The following SPPL3 variants were observed in gnomAD, a reference collection of about 807,000 sequenced individuals.
SPPL3 encodes signal peptide peptidase-like 3.
In SPPL3, 5 loss-of-function variants were observed where a neutral mutation model predicts 42.4. That is an observed-to-expected ratio of 0.12 (90% CI 0.06 to 0.25). The LOEUF is 0.25. Among genes scored for constraint, SPPL3 ranks in the 10% least tolerant of loss-of-function variants. The pLI is 1.00. For synonymous variants in SPPL3, 195 were observed against 181.8 expected (o/e 1.07, Z -0.58); for missense variants, 235 against 489.0 (o/e 0.48, Z 4.90).
At chr12:120,903,548 T>G in intron 1 of SPPL3, 2 of 400,248 alleles carry the variant, frequency 5.0e-6, no homozygotes, top group East Asian at 4.5e-5. Flanking sequence ...ATCCGTGGGA[T>G]TCCCACCCCC....
At chr12:120,854,130 G>A (rs1227178868) in intron 1 of SPPL3, among the ~76,000 whole-genome samples, 2 of 152,070 alleles carry the variant, frequency 1.3e-5, no homozygotes, top group Non-Finnish European at 2.9e-5. Flanking sequence ...GACTGTGCAA[G>A]TTATCAATGT....
intron 2 of SPPL3, among the ~76,000 whole-genome samples, chr12:120,805,158 G>A (rs903700659): frequency 3.3e-5 from 5 of 152,120 alleles, no homozygotes; most frequent in African/African-American, 1.2e-4. Flanking sequence ...TTACAGTGAC[G>A]GCTGAACAAT....
chr12:120,767,709 G>A (rs1868963434), intron 8 of SPPL3, 116 bp from the exon 9 acceptor site: 2 of 998,730 alleles, frequency 2.0e-6, no homozygotes, highest in Non-Finnish European at 2.9e-6. Flanking sequence ...CATGGCAGAT[G>A]GAAATCTCTT....
intron 1 of SPPL3, among the ~76,000 whole-genome samples, chr12:120,853,022 G>C (rs1461194987): frequency 6.6e-6 from 1 of 151,214 alleles, no homozygotes; most frequent in Non-Finnish European, 1.5e-5. Flanking sequence ...AGCCTCCCGA[G>C]TAGCTGGGAT....
rs1472866865 is a variant in SPPL3, at chr12:120,763,250, TAAAAAC to T, written c.*1743_*1748del. The T allele has an allele frequency of 6.6e-6, 1 of 151,724 alleles. No individual in the cohort carries two copies. Among genetic ancestry groups the T allele is most frequent in the Non-Finnish European group, 1.5e-5 (1 of 67,792 alleles). The allele number at this position is 151,724 out of a possible 1,614,324, so 9.4% of individuals were successfully genotyped here. ...CAAAGGCTACAAAGGAGTCATTTAT[TAAAAAC>T]AAAACCCCAGAAACCCCTCAGCAGG... On this transcript the variant is annotated 3_prime_UTR_variant, in exon 11 of 11. Coordinates refer to ENST00000353487, the MANE Select transcript of SPPL3 (RefSeq NM_139015.5).
chr12:120,764,655 A>C lies in SPPL3; in HGVS notation c.*344T>G. 5.1e-6 allele frequency: 2 copies of C among 392,578 alleles called. No individual in the cohort carries two copies. Among genetic ancestry groups the C allele is most frequent in the Non-Finnish European group, 9.0e-6 (2 of 222,674 alleles). 24.3% of individuals were successfully genotyped at this position (392,578 alleles called of 1,614,324 possible). ...TTTAGTGTTCAAAAGTTCTAGAAAG[A>C]CTCCTCGCTGTTTTCAGTTTTTAAA... On this transcript the variant is annotated 3_prime_UTR_variant, in exon 11 of 11. Transcript: ENST00000353487.
At position 120,791,471 on chromosome 12, in the gene SPPL3, T is replaced by C; in HGVS notation, c.188A>G (p.Asn63Ser). The C allele has an allele frequency of 6.3e-7, 1 of 1,589,338 alleles. No individual in the cohort carries two copies. Among genetic ancestry groups the C allele is most frequent in the Non-Finnish European group, 8.6e-7 (1 of 1,169,518 alleles). The change falls in exon 3 of 11, where the codon AAT (asparagine) becomes AGT (serine). Residue 63 changes from asparagine to serine, a missense_variant and splice_region_variant. By Grantham distance (46) the Asn-to-Ser change is conservative (BLOSUM62 1). Coordinates refer to ENST00000353487, the MANE Select transcript of SPPL3 (RefSeq NM_139015.5). ...TTAATTGACATAAAATATCTTACTA[T>C]TATTGGTGCTGTTGCCATTGAAAGA... The part of the protein sequence containing the change: ...SGSFNGNSTN[N>S]SIQTIDSTQA...
rs904628 is a variant in SPPL3 at position 120,904,281 on chromosome 12, G to A, written c.-414C>T. ...GCGGCGGCGGCCGGGGGACATGGCC[G>A]GCGGGCGGAGGCGGCGGCGACTGAG... On this transcript the variant is annotated 5_prime_UTR_variant, in exon 1 of 11. Coordinates refer to ENST00000353487, the MANE Select transcript of SPPL3 (RefSeq NM_139015.5). The A allele has an allele frequency of 0.43, 71,412 of 165,804 alleles. 17,210 individuals carry two copies. The highest frequency in any genetic ancestry group is 0.59 in the Middle Eastern group (220 of 374). 10.3% of individuals were successfully genotyped at this position (165,804 alleles called of 1,614,324 possible). A position where few individuals can be genotyped will look rare whatever the true frequency, so the allele number is the denominator to read the frequency against.
Position 120,880,882 on chromosome 12 carries a change from C to CA in SPPL3, c.23+22962dup, listed in dbSNP as rs58936035. On this transcript the variant is annotated intron_variant, in intron 1 of 10. Transcript: ENST00000353487. ...ACAGCTCAACAACAATCAACCCAGC[C>CA]AAAAAAAAAAATGGACAAAGGACGT... Among the ~76,000 whole-genome samples, 222 of 140,140 alleles carry CA rather than the reference C, an allele frequency of 1.6e-3. 1 individual carries two copies. In the East Asian group the frequency reaches 0.03, roughly 19 times the overall value. The allele number at this position is 140,140 out of a possible 152,430, so 91.9% of individuals were successfully genotyped here.
In SPPL3 at chr12:120,765,076, A is replaced by AAAC; in HGVS notation, c.1084-9_1084-7dup. ...CACATCCGCCGGAGGTCGCCCTGGG[A>AAAC]AACAAGGGACTTTCTAAGTTACAGA... On this transcript the variant is annotated splice_polypyrimidine_tract_variant and splice_region_variant and intron_variant, in intron 10 of 10. Transcript: ENST00000353487. 6.2e-7 allele frequency: 1 copy of AAAC among 1,613,202 alleles called. No individual in the cohort carries two copies. The highest frequency in any genetic ancestry group is 1.1e-5 in the South Asian group (1 of 90,878).
At chr12:120,844,096 C>G (rs1871934849) in intron 1 of SPPL3, among the ~76,000 whole-genome samples, 1 of 152,194 alleles carries the variant, frequency 6.6e-6, no homozygotes, top group Admixed American at 6.5e-5. Context: ...AATTTGATAT[C>G]TCCAATTGGC....
chr12:120,875,664 C>G (rs759387855), intron 1 of SPPL3, among the ~76,000 whole-genome samples: 15 of 149,650 alleles, frequency 1.0e-4, no homozygotes, highest in Non-Finnish European at 2.1e-4. Context: ...CACAAAAATA[C>G]TTCATGTTTT....
chr12:120,854,227 G>A (rs1280392185), intron 1 of SPPL3, among the ~76,000 whole-genome samples: 2 of 152,250 alleles, frequency 1.3e-5, no homozygotes, highest in East Asian at 3.9e-4. Context: ...CTGACCCAAG[G>A]AAATCAGAAA....
At chr12:120,871,401 A>G (rs570334144) in intron 1 of SPPL3, among the ~76,000 whole-genome samples, 1 of 152,296 alleles carries the variant, frequency 6.6e-6, no homozygotes, top group South Asian at 2.1e-4. Flanking sequence ...CCTGGTATCC[A>G]CGGGGGATTG....
At chr12:120,854,193 C>T (rs1005114181) in intron 1 of SPPL3, among the ~76,000 whole-genome samples, 19 of 152,158 alleles carry the variant, frequency 1.2e-4, no homozygotes, top group African/African-American at 4.3e-4. Context: ...ATGTGGCAGC[C>T]TCCTGTGAGG....
intron 1 of SPPL3, among the ~76,000 whole-genome samples, chr12:120,882,522 T>C (rs1019922010): frequency 9.2e-5 from 14 of 152,138 alleles, no homozygotes; most frequent in South Asian, 6.2e-4. Context: ...AAACTGGTTA[T>C]AAGCTTTCTT....
intron 3 of SPPL3, among the ~76,000 whole-genome samples, 159 bp downstream of exon 3, chr12:120,791,310 A>T (rs1239680556): frequency 1.3e-5 from 2 of 152,212 alleles, no homozygotes; most frequent in Non-Finnish European, 2.9e-5. Context: ...ATTGAGGTAC[A>T]ATTACATACC....
At chr12:120,809,058 A>G (rs564284161) in intron 2 of SPPL3, among the ~76,000 whole-genome samples, 1 of 152,200 alleles carries the variant, frequency 6.6e-6, no homozygotes, top group East Asian at 1.9e-4. Flanking sequence ...AGTGATTAAC[A>G]CTTTTGGCTG....
chr12:120,825,557 C>T (rs1238669222), intron 1 of SPPL3, among the ~76,000 whole-genome samples: 1 of 152,250 alleles, frequency 6.6e-6, no homozygotes, highest in South Asian at 2.1e-4. Flanking sequence ...GAGCAAATAT[C>T]GCTTGTCTTA....
Sources: allele counts gnomAD v4.1 joint callset (sites outside exome capture counted in the v4.1 genomes callset), GRCh38; gene constraint gnomAD v4.1.1; transcripts MANE v1.5; gene names NCBI Gene and HGNC (gene_info 2026-07-23, HGNC 2026-07-21).